Variants in C4orf51 observed in about 807,000 individuals in gnomAD.
The protein encoded by C4orf51 is uncharacterized protein C4orf51.
A neutral mutation model predicts 25.2 loss-of-function variants in C4orf51; 25 were observed. The observed-to-expected ratio is 0.99, with a 90% CI of 0.72 to 1.39. The LOEUF is 1.39. Among genes scored for constraint, C4orf51 ranks in the 40% most tolerant of loss-of-function variants. The pLI, the probability that C4orf51 is intolerant of heterozygous loss-of-function variation, is 0.00. For synonymous variants in C4orf51, 100 were observed against 84.5 expected, an observed-to-expected ratio of 1.18 and a Z score of -1.01; for missense variants, 252 against 239.6, an observed-to-expected ratio of 1.05 and a Z score of -0.34.
At chr4:145,733,177 C>T (rs1000394114), downstream of C4orf51, among the ~76,000 whole-genome samples, 1 of 152,120 alleles carries the variant, frequency 6.6e-6, no homozygotes, top group African/African-American at 2.4e-5. Flanking sequence ...CCCCTCCCCT[C>T]CCCGGTCCGC....
At chr4:145,764,961 A>G (rs370898386) in intron 1 of C4orf51, 6 of 1,609,420 alleles carry the variant, frequency 3.7e-6, no homozygotes, top group Non-Finnish European at 5.1e-6. Context: ...ACAACGCAGT[A>G]AAAGGTTCTG....
chr4:145,722,801 C>T lies in C4orf51; in HGVS notation c.308-4110C>T, dbSNP rs150855554. ...ATGGTTGGCACTACTGCCTGAGCTC[C>T]GCCTCCTGTCAGATCAGTGGTAGCA... is the stretch of plus-strand genomic sequence containing the variant. On this transcript the variant is annotated intron_variant, in intron 2 of 5. Transcript: ENST00000438731. Among the ~76,000 whole-genome samples the T allele has an allele frequency of 6.6e-5, 10 of 152,196 alleles. No individual in the cohort carries two copies. In the East Asian group the frequency reaches 1.2e-3, roughly 18 times the overall value.
chr4:145,750,945 T>C (rs1733639153), intron 1 of C4orf51, among the ~76,000 whole-genome samples: 3 of 152,192 alleles, frequency 2.0e-5, no homozygotes, highest in Admixed American at 1.3e-4. Context: ...CGTTGCATTC[T>C]TTAGTATGTC....
intron 1 of C4orf51, among the ~76,000 whole-genome samples, chr4:145,693,075 C>T (rs563191925): frequency 2.6e-4 from 34 of 133,238 alleles, no homozygotes; most frequent in Non-Finnish European, 4.7e-4. Flanking sequence ...GGGTGTTTCT[C>T]ACAGAGGGGT....
At chr4:145,692,148 C>CA (rs1311262483) in intron 1 of C4orf51, among the ~76,000 whole-genome samples, 2 of 151,800 alleles carry the variant, frequency 1.3e-5, no homozygotes, top group Admixed American at 6.6e-5. Flanking sequence ...TCATAATAGC[C>CA]AAAAAAACTA....
At chr4:145,733,322 T>TC (rs149861688), downstream of C4orf51, among the ~76,000 whole-genome samples, 600 of 151,718 alleles carry the variant, frequency 4.0e-3, 6 homozygotes, top group African/African-American at 0.013. Flanking sequence ...TCCTGCTGAT[T>TC]CCCCCCCACC....
At chr4:145,682,997 GC>G (rs1728926831) in intron 1 of C4orf51, among the ~76,000 whole-genome samples, 1 of 151,326 alleles carries the variant, frequency 6.6e-6, no homozygotes, top group Admixed American at 6.6e-5. Flanking sequence ...GAAAGAATCA[GC>G]AAAAATAAAA....
rs1182343099 is a variant in C4orf51, at chr4:145,763,022, C to T, written n.167-7966C>T. On this transcript the variant is annotated intron_variant and non_coding_transcript_variant, in intron 1 of 1. Transcript: ENST00000510096. This position sits in a 1 kb window ranked among gnomAD's most constrained non-coding sequence, Gnocchi z 4.6. Reference sequence around the variant, plus strand: ...ACCTCAGCTCACAGAAGAGTGCACACGAGAGAAATATAAAGCCCATTCCCA... The same window carrying T: ...ACCTCAGCTCACAGAAGAGTGCACATGAGAGAAATATAAAGCCCATTCCCA... 9 of 1,428,308 alleles carry T rather than the reference C, an allele frequency of 6.3e-6. No individual in the cohort carries two copies. Among genetic ancestry groups the T allele is most frequent in the Non-Finnish European group, 6.6e-6 (7 of 1,056,090 alleles). 88.5% of individuals were successfully genotyped at this position (1,428,308 alleles called of 1,614,324 possible).
At chr4:145,726,847 A>T in intron 2 of C4orf51, 64 bp from the exon 3 acceptor site, 1 of 1,335,696 alleles carries the variant, frequency 7.5e-7, no homozygotes. Context: ...CCTAATTGGA[A>T]GTGTAAGGAA....
chr4:145,690,673 AACTATCAACAGAGTAAAGAGACAACCC>A (rs1240870823), intron 1 of C4orf51, among the ~76,000 whole-genome samples: 1 of 152,212 alleles, frequency 6.6e-6, no homozygotes. Flanking sequence ...TAGCCGAAGA[AACTATCAACAGAGTAAAGAGACAACCC>A]ACAGAATGAG....
At chr4:145,693,528 G>T (rs1010532523) in intron 1 of C4orf51, among the ~76,000 whole-genome samples, 1 of 151,814 alleles carries the variant, frequency 6.6e-6, no homozygotes, top group African/African-American at 2.4e-5. Context: ...ATCCTGGCCC[G>T]TTCTCAATGA....
intron 2 of C4orf51, among the ~76,000 whole-genome samples, chr4:145,704,003 G>T (rs1730634356): frequency 6.6e-6 from 1 of 152,164 alleles, no homozygotes; most frequent in Non-Finnish European, 1.5e-5. Flanking sequence ...ACTTCCCAAT[G>T]AGTTACGGAA....
chr4:145,730,587 A>G (rs1732403502), intron 5 of C4orf51, among the ~76,000 whole-genome samples: 1 of 152,054 alleles, frequency 6.6e-6, no homozygotes, highest in South Asian at 2.1e-4. Flanking sequence ...AGTTACAACT[A>G]TTTTTGCTAT....
At position 145,762,450 on chromosome 4, in the gene C4orf51, T is replaced by C. The variant is rs978721767; in HGVS notation, n.167-8538T>C. ...TGGAAATTCTCAGAGGGCAGGACCA[T>C]ATCTTACATTTCCTCTGCATTCTCT... On this transcript the variant is annotated intron_variant and non_coding_transcript_variant, in intron 1 of 1. Coordinates refer to the C4orf51 transcript ENST00000510096. The surrounding 1 kb of genome is among the most constrained non-coding windows in gnomAD (Gnocchi z 4.9). 6.6e-6 allele frequency among the ~76,000 whole-genome samples: 1 copy of C among 152,216 alleles called. No individual in the cohort carries two copies. Among genetic ancestry groups the C allele is most frequent in the Non-Finnish European group, 1.5e-5 (1 of 68,044 alleles).
At chr4:145,768,607 A>G (rs1240454475) in intron 1 of C4orf51, among the ~76,000 whole-genome samples, 1 of 151,764 alleles carries the variant, frequency 6.6e-6, no homozygotes, top group African/African-American at 2.4e-5. Flanking sequence ...GTTAGGGGAG[A>G]AAATATAGGG....
At chr4:145,740,240 CAAAAAAAAAAAAA>C (rs60310006) in intron 1 of C4orf51, among the ~76,000 whole-genome samples, 68 of 104,806 alleles carry the variant, frequency 6.5e-4, no homozygotes, top group African/African-American at 2.5e-3. Flanking sequence ...TCCCTTTCTG[CAAAAAAAAAAAAA>C]AAAAAAAAAA....
chr4:145,698,351 G>A (rs1312057298), intron 2 of C4orf51, among the ~76,000 whole-genome samples: 1 of 152,222 alleles, frequency 6.6e-6, no homozygotes, highest in African/African-American at 2.4e-5. Flanking sequence ...AGGGAGACAT[G>A]AGACATCAAT....
chr4:145,730,674 A>G (rs550670250), intron 5 of C4orf51, among the ~76,000 whole-genome samples: 2 of 149,602 alleles, frequency 1.3e-5, no homozygotes, highest in South Asian at 4.3e-4. Context: ...TTATTATACC[A>G]TGGGTTTGAT....
chr4:145,684,620 C>T (rs530583972), intron 1 of C4orf51, among the ~76,000 whole-genome samples: 1 of 152,266 alleles, frequency 6.6e-6, no homozygotes, highest in South Asian at 2.1e-4. Context: ...ATTGATGTGT[C>T]TGTGTAGGTT....
Sources: allele counts gnomAD v4.1 joint callset (sites outside exome capture counted in the v4.1 genomes callset), GRCh38; gene constraint gnomAD v4.1.1; non-coding constraint Gnocchi (gnomAD v3.1); transcripts MANE v1.5; gene names NCBI Gene and HGNC (gene_info 2026-07-23, HGNC 2026-07-21).